Variants in MAGI3 observed in about 807,000 individuals in gnomAD.
MAGI3 encodes membrane-associated guanylate kinase, WW and PDZ domain-containing protein 3.
Under a neutral mutation model 121.8 loss-of-function variants are expected in MAGI3, and 43 were observed. The ratio of observed to expected loss-of-function variants is 0.35; its 90% CI spans 0.28 to 0.46. MAGI3 has a LOEUF of 0.46. MAGI3 is among the 20% of genes least tolerant of loss of function. The pLI is 1.00. For missense variants in MAGI3, 1,547 were observed against 1,797.3 expected (o/e 0.86, Z 2.52); for synonymous variants, 553 against 639.3 (o/e 0.86, Z 2.04).
chr1:113,395,087 GTTTTTTTTTTTT>G (rs139532433), intron 1 of MAGI3, among the ~76,000 whole-genome samples: 2 of 33,244 alleles, frequency 6.0e-5, no homozygotes, highest in African/African-American at 3.1e-4. Flanking sequence ...CTTTTTGTTA[GTTTTTTTTTTTT>G]TTTTTTTTTT....
intron 1 of MAGI3, among the ~76,000 whole-genome samples, chr1:113,453,063 C>T (rs1425794185): frequency 6.6e-6 from 1 of 152,116 alleles, no homozygotes; most frequent in Non-Finnish European, 1.5e-5. Context: ...ACATATGTTA[C>T]AAGTTCTTCA....
intron 3 of MAGI3, among the ~76,000 whole-genome samples, chr1:113,582,140 A>T (rs1479112856): frequency 1.3e-5 from 2 of 152,150 alleles, no homozygotes; most frequent in Non-Finnish European, 2.9e-5. Context: ...ACAATTTTAC[A>T]GTCTGATAAT....
intron 6 of MAGI3, among the ~76,000 whole-genome samples, chr1:113,606,279 T>C (rs1649768615): frequency 6.6e-6 from 1 of 152,178 alleles, no homozygotes; most frequent in Admixed American, 6.5e-5. Flanking sequence ...AGAAATAATT[T>C]TTAAAATAAT....
In MAGI3 at chr1:113,663,085, C is replaced by T. The variant is rs189079249; in HGVS notation, c.2815+3820C>T. 1.9e-3 allele frequency among the ~76,000 whole-genome samples: 286 copies of T among 152,002 alleles called. 3 individuals are homozygous for T. Among genetic ancestry groups the T allele is most frequent in the African/African-American group, 6.7e-3 (278 of 41,444 alleles). On this transcript the variant is annotated intron_variant, in intron 16 of 20. Transcript: ENST00000307546. ...TACTAAAAATACAAAATTAGCCAGG[C>T]GTGATGGCATGTGCCTGTAATCCCA...
chr1:113,503,035 A>G (rs1657095181), intron 1 of MAGI3, among the ~76,000 whole-genome samples: 1 of 58,278 alleles, frequency 1.7e-5, no homozygotes, highest in Non-Finnish European at 2.9e-5. Context: ...ACATGGACAC[A>G]GGAAGGGGAA....
At chr1:113,607,463 A>G (rs915239301) in intron 6 of MAGI3, among the ~76,000 whole-genome samples, 1 of 152,218 alleles carries the variant, frequency 6.6e-6, no homozygotes, top group Non-Finnish European at 1.5e-5. Context: ...ACTTTAAAAG[A>G]TTTCTACAAA....
In MAGI3 at chr1:113,642,558, C is replaced by T. The variant is rs201357045; in HGVS notation, c.1966+42C>T. 55 of 1,557,974 alleles carry T rather than the reference C, an allele frequency of 3.5e-5. No individual in the cohort carries two copies. In the East Asian group the frequency reaches 5.2e-4, roughly 15 times the overall value. On this transcript the variant is annotated intron_variant, in intron 10 of 20. Transcript: ENST00000307546. ...CATAGAAAAAGTTTCAGTGTTCAAG[C>T]GTTTATATCTACTGATTGTCTTTCC... is the stretch of plus-strand genomic sequence containing the variant.
At chr1:113,412,695 C>A (rs1459961869) in intron 1 of MAGI3, among the ~76,000 whole-genome samples, 4 of 151,848 alleles carry the variant, frequency 2.6e-5, no homozygotes, top group Non-Finnish European at 4.4e-5. Flanking sequence ...CTGTTCATAT[C>A]CTCTGCCCGC....
chr1:113,676,415 A>G (rs1647868324), intron 19 of MAGI3, among the ~76,000 whole-genome samples: 1 of 152,220 alleles, frequency 6.6e-6, no homozygotes, highest in Non-Finnish European at 1.5e-5. Flanking sequence ...AAACGACAAC[A>G]TGACATGCTT....
At chr1:113,663,233 G>T (rs2101004781) in intron 16 of MAGI3, among the ~76,000 whole-genome samples, 1 of 60,762 alleles carries the variant, frequency 1.6e-5, no homozygotes, top group East Asian at 2.4e-4. Flanking sequence ...CTCAAAAACA[G>T]AAATATATAT....
chr1:113,591,013 A>T (rs1648662685), intron 5 of MAGI3, among the ~76,000 whole-genome samples: 1 of 152,100 alleles, frequency 6.6e-6, no homozygotes, highest in Non-Finnish European at 1.5e-5. Context: ...AAGAATTGTC[A>T]TCATGAGTAG....
intron 1 of MAGI3, among the ~76,000 whole-genome samples, chr1:113,546,713 A>G (rs1327382303): frequency 1.3e-5 from 2 of 152,026 alleles, no homozygotes; most frequent in Non-Finnish European, 2.9e-5. Context: ...CCAGAATCCC[A>G]GTAGAAATGA....
At chr1:113,418,103 A>G (rs1652547016) in intron 1 of MAGI3, among the ~76,000 whole-genome samples, 2 of 151,960 alleles carry the variant, frequency 1.3e-5, no homozygotes, top group Non-Finnish European at 1.5e-5. Flanking sequence ...CTTGTATACT[A>G]CTGCTATTTC....
chr1:113,684,042 G>A lies in MAGI3; in HGVS notation c.*28G>A. ...TTTAGTATAAAACAAAGAAAAACAA[G>A]TTGTAATCTTTTCTTACAGCAGCAT... On this transcript the variant is annotated 3_prime_UTR_variant, in exon 21 of 21. Transcript: ENST00000307546. 6.8e-7 allele frequency: 1 copy of A among 1,463,598 alleles called. No individual in the cohort carries two copies. Among genetic ancestry groups the A allele is most frequent in the Non-Finnish European group, 9.0e-7 (1 of 1,109,440 alleles). The allele number at this position is 1,463,598 out of a possible 1,614,324, so 90.7% of individuals were successfully genotyped here.
chr1:113,683,340 C>T lies in MAGI3; in HGVS notation c.3772C>T (p.Pro1258Ser). The change falls in exon 21 of 21, where the codon CCC becomes TCC. Residue 1258 changes from proline (P) to serine (S), a missense_variant. Pro to Ser is a moderately conservative substitution (Grantham distance 74). Transcript: ENST00000307546. The part of the protein sequence containing the change: ...KRRPRDQSLS[P>S]SKGENKSCQV... The stretch of plus-strand genomic sequence containing the variant: ...AAGACCCAGAGATCAATCCCTCAGC[C>T]CCAGCAAAGGGGAAAATAAAAGTTG... 3.7e-6 allele frequency: 6 copies of T among 1,613,900 alleles called. No individual in the cohort carries two copies. Among genetic ancestry groups the T allele is most frequent in the Non-Finnish European group, 5.1e-6 (6 of 1,179,888 alleles).
intron 1 of MAGI3, among the ~76,000 whole-genome samples, chr1:113,537,984 A>G (rs369714180): frequency 1.3e-5 from 2 of 152,214 alleles, no homozygotes; most frequent in African/African-American, 4.8e-5. Context: ...TTTGATGTAT[A>G]ATAGAATTTT....
chr1:113,532,237 C>T (rs1011970630), intron 1 of MAGI3, among the ~76,000 whole-genome samples: 1 of 151,920 alleles, frequency 6.6e-6, no homozygotes, highest in Admixed American at 6.6e-5. Context: ...TTTATAGAGT[C>T]AAATATGAAT....
At chr1:113,449,884 C>G in intron 1 of MAGI3, 1 of 1,523,960 alleles carries the variant, frequency 6.6e-7, no homozygotes, top group Non-Finnish European at 9.0e-7. Flanking sequence ...GTGACTTATT[C>G]TTGTGTTGAA....
chr1:113,466,284 G>A lies in MAGI3; in HGVS notation c.316+74935G>A, dbSNP rs183591865. On this transcript the variant is annotated intron_variant, in intron 1 of 20. Transcript: ENST00000307546. ...TTTTGTATTGGTTCTGTTAATTATCGCATTTATTGATTTGCATACATTGAA... is the reference window on the plus strand; with the variant it reads ...TTTTGTATTGGTTCTGTTAATTATCACATTTATTGATTTGCATACATTGAA... Among the ~76,000 whole-genome samples the A allele has an allele frequency of 3.4e-4, 52 of 151,606 alleles. 2 individuals carry two copies. The East Asian group carries it at 8.3e-3, about 24-fold the overall frequency.
Sources: gnomAD v4.1 joint callset for allele counts (sites outside exome capture counted in the v4.1 genomes callset) on GRCh38, gnomAD v4.1.1 for gene constraint, MANE v1.5 for transcripts, NCBI Gene and HGNC (gene_info 2026-07-23, HGNC 2026-07-21) for gene names.